FCSK: variants seen among roughly 807,000 people sequenced by gnomAD.
FCSK encodes fucose kinase.
FCSK carries 123 observed loss-of-function variants against 122.5 expected under a neutral mutation model. The ratio of observed to expected loss-of-function variants is 1.00; its 90% CI spans 0.87 to 1.17. The LOEUF (loss-of-function observed/expected upper bound fraction) is 1.17, where lower values mean the gene tolerates loss of function less well. FCSK is among the 50% of genes most tolerant of loss of function. The probability of loss-of-function intolerance (pLI) is 0.00; values close to 1 mark genes in which losing one functional copy is unlikely to be tolerated. For missense variants in FCSK, 1,366 were observed against 1,450.4 expected, an observed-to-expected ratio of 0.94 and a Z score of 0.95; for synonymous variants, 620 against 625.5, an observed-to-expected ratio of 0.99 and a Z score of 0.13.
At chr16:70,463,079 T>C in intron 1 of FCSK, 90 bp from the exon 2 acceptor site, 1 of 790,472 alleles carries the variant, frequency 1.3e-6, no homozygotes, top group Non-Finnish European at 2.0e-6. Flanking sequence ...TCTATACACA[T>C]GTTAAAATCA....
intron 1 of FCSK, among the ~76,000 whole-genome samples, chr16:70,458,528 G>T (rs533969798): frequency 3.3e-5 from 5 of 151,158 alleles, no homozygotes; most frequent in African/African-American, 1.2e-4. Flanking sequence ...GTGCAGTGGC[G>T]TGATCTTGGC....
At chr16:70,478,234 CAGAT>C in intron 20 of FCSK, 34 bp from the exon 21 acceptor site, 1 of 1,604,112 alleles carries the variant, frequency 6.2e-7, no homozygotes. Context: ...GAAGCTGGGC[CAGAT>C]AGACTCCAAC....
chr16:70,469,383 A>T, intron 10 of FCSK, 60 bp downstream of exon 10: 1 of 1,484,614 alleles, frequency 6.7e-7, no homozygotes, highest in Non-Finnish European at 9.0e-7. Context: ...GACCCCAAGA[A>T]TGGAGCTGCT....
At chr16:70,477,520 GATAC>G (rs1321189797) in intron 20 of FCSK, 1 of 152,092 alleles carries the variant, frequency 6.6e-6, no homozygotes, top group Non-Finnish European at 1.5e-5. Flanking sequence ...GGAGGAAAAT[GATAC>G]ATACCTTTCA....
rs1225041547 is a variant in FCSK, at chr16:70,475,000, C to T, written c.2366C>T (p.Pro789Leu). Reference sequence around the variant, plus strand: ...GCTGACCTGCGGGACTACTGCCAGCCTCATGCCCCAGGTCAGGCACCCTGG... The same window carrying T: ...GCTGACCTGCGGGACTACTGCCAGCTTCATGCCCCAGGTCAGGCACCCTGG... ...CLADLRDYCQ[P>L]HAPGALLKAA... The change falls in exon 18 of 24, where the codon CCT (proline) becomes CTT (leucine). Residue 789 changes from proline (P) to leucine (L), a missense_variant. Pro to Leu is a moderately conservative substitution (Grantham distance 98). Transcript: ENST00000288078. The T allele has an allele frequency of 1.9e-6, 3 of 1,602,016 alleles. No individual in the cohort carries two copies. The highest frequency in any genetic ancestry group is 3.4e-4 in the Middle Eastern group (2 of 5,848).
At chr16:70,461,908 G>A (rs910450909) in intron 1 of FCSK, among the ~76,000 whole-genome samples, 6 of 152,150 alleles carry the variant, frequency 3.9e-5, no homozygotes, top group African/African-American at 1.2e-4. Flanking sequence ...CTGTTCACAC[G>A]AACCTATCTC....
Position 70,479,974 on chromosome 16 carries a change from C to T in FCSK, c.*294C>T, listed in dbSNP as rs550255815. ...GCTGGCCTTCTCATTCCACAAGGGC[C>T]CTGGAAAGGGTTGACAGCCAGCCTT... On this transcript the variant is annotated 3_prime_UTR_variant, in exon 24 of 24. Coordinates refer to ENST00000288078, the MANE Select transcript of FCSK (RefSeq NM_145059.3). 14 of 278,148 alleles carry T rather than the reference C, an allele frequency of 5.0e-5. No individual in the cohort carries two copies. In the South Asian group the frequency reaches 9.9e-4, roughly 20 times the overall value. 17.2% of individuals were successfully genotyped at this position (278,148 alleles called of 1,614,324 possible).
At chr16:70,456,927 G>A (rs2048108865) in intron 1 of FCSK, among the ~76,000 whole-genome samples, 1 of 152,058 alleles carries the variant, frequency 6.6e-6, no homozygotes, top group Non-Finnish European at 1.5e-5. Context: ...GGCTGAGGCA[G>A]GAGAATGGCT....
At chr16:70,461,713 C>T (rs1055789186) in intron 1 of FCSK, among the ~76,000 whole-genome samples, 4 of 152,176 alleles carry the variant, frequency 2.6e-5, no homozygotes, top group Admixed American at 2.0e-4. Context: ...CATTTGCTCT[C>T]GCCTTCCTTT....
intron 13 of FCSK, among the ~76,000 whole-genome samples, chr16:70,472,277 A>T (rs573737499): frequency 6.6e-6 from 1 of 152,080 alleles, no homozygotes; most frequent in African/African-American, 2.4e-5. Context: ...GCTGAAAACA[A>T]TTTCAGAAAT....
rs1369068308 is a variant in FCSK at position 70,466,883 on chromosome 16, T to G, written c.413T>G (p.Leu138Arg). Residue 138 changes from leucine to arginine, a missense_variant and splice_region_variant, in exon 6 of 24, where the codon CTG becomes CGG. Physicochemically the swap from Leu to Arg is moderately radical, Grantham distance 102. Transcript: ENST00000288078. ...TGTTCTGTCTCCTTCCCCCCACAGC[T>G]GGGCCCGGGCTCCCCGCCAGGCGTG... ...DCLLDIMTYR[L>R]GPGSPPGVWV... is the part of the protein sequence containing the mutation. 1.2e-6 allele frequency: 2 copies of G among 1,613,328 alleles called. No homozygotes were observed. The highest frequency in any genetic ancestry group is 1.7e-5 in the Admixed American group (1 of 60,000).
intron 1 of FCSK, among the ~76,000 whole-genome samples, chr16:70,455,516 A>ACAT (rs1313164300): frequency 1.3e-5 from 2 of 151,134 alleles, no homozygotes; most frequent in Non-Finnish European, 3.0e-5. Flanking sequence ...AACAACAACA[A>ACAT]CAACAAAAGA....
intron 10 of FCSK, among the ~76,000 whole-genome samples, chr16:70,469,933 G>A (rs1270250707): frequency 2.0e-5 from 3 of 151,412 alleles, no homozygotes; most frequent in East Asian, 1.9e-4. Context: ...CAACCTCTGC[G>A]TCTCAGGTTC....
chr16:70,467,171 T>G (rs1270930870), intron 6 of FCSK: 3 of 630,628 alleles, frequency 4.8e-6, no homozygotes, highest in Non-Finnish European at 5.6e-6. Context: ...CCCTGCCCCT[T>G]CTGTCCCACA....
intron 4 of FCSK, among the ~76,000 whole-genome samples, 180 bp downstream of exon 4, chr16:70,465,356 A>C (rs1217884337): frequency 6.6e-6 from 1 of 152,218 alleles, no homozygotes; most frequent in Non-Finnish European, 1.5e-5. Flanking sequence ...GCAGAATATT[A>C]GATTGAAAGG....
At chr16:70,470,861 A>C in intron 11 of FCSK, 110 bp from the exon 12 acceptor site, 1 of 901,696 alleles carries the variant, frequency 1.1e-6, no homozygotes, top group Non-Finnish European at 1.7e-6. Context: ...GCTGCAGGGC[A>C]GGGGAGCAGT....
At chr16:70,467,031 C>G in intron 6 of FCSK, 77 bp downstream of exon 6, 1 of 1,373,250 alleles carries the variant, frequency 7.3e-7, no homozygotes. Context: ...TTCTTGCCCA[C>G]CCTGCCTCTG....
intron 1 of FCSK, among the ~76,000 whole-genome samples, chr16:70,459,304 A>T (rs1350179113): frequency 2.0e-5 from 3 of 152,072 alleles, no homozygotes; most frequent in African/African-American, 7.2e-5. Context: ...TGGGAAGCCG[A>T]GGCAGGTGGA....
chr16:70,476,880 C>T (rs1489939300), intron 20 of FCSK, among the ~76,000 whole-genome samples: 1 of 152,162 alleles, frequency 6.6e-6, no homozygotes, highest in Non-Finnish European at 1.5e-5. Context: ...CTCTGTGGGG[C>T]CCCAGGGATA....
Sources: gnomAD v4.1 joint callset for allele counts (sites outside exome capture counted in the v4.1 genomes callset) on GRCh38, gnomAD v4.1.1 for gene constraint, MANE v1.5 for transcripts, NCBI Gene and HGNC (gene_info 2026-07-23, HGNC 2026-07-21) for gene names.